LYRM1: variants seen among roughly 807,000 people sequenced by gnomAD.
LYRM1 encodes the protein LYR motif-containing protein 1.
A neutral mutation model predicts 14.9 loss-of-function variants in LYRM1; 14 were observed. The observed-to-expected ratio is 0.94, with a 90% CI of 0.62 to 1.47. LYRM1 has a LOEUF of 1.47. Among genes scored for constraint, LYRM1 ranks in the 40% most tolerant of loss-of-function variants. LYRM1 has a pLI of 0.00. For missense variants in LYRM1, 153 were observed against 149.9 expected, an observed-to-expected ratio of 1.02 and a Z score of -0.11; for synonymous variants, 43 against 56.2, an observed-to-expected ratio of 0.77 and a Z score of 1.05.
intron 1 of LYRM1, among the ~76,000 whole-genome samples, chr16:20,912,847 A>C (rs1596740154): frequency 6.6e-6 from 1 of 151,820 alleles, no homozygotes; most frequent in East Asian, 2.0e-4. Context: ...CAGGTGGATC[A>C]TCTGAGGTCA....
intron 1 of LYRM1, among the ~76,000 whole-genome samples, chr16:20,909,240 T>C (rs1184546614): frequency 1.3e-5 from 2 of 152,172 alleles, no homozygotes; most frequent in Non-Finnish European, 2.9e-5. Context: ...CACATGTATA[T>C]CCCTGTGTTA....
At chr16:20,916,435 G>A (rs1488515451) in intron 2 of LYRM1, among the ~76,000 whole-genome samples, 1 of 152,132 alleles carries the variant, frequency 6.6e-6, no homozygotes, top group Non-Finnish European at 1.5e-5. Flanking sequence ...ATTCAGCGCG[G>A]TCACTGCTCC....
At chr16:20,923,883 A>G in intron 3 of LYRM1, 117 bp from the exon 4 acceptor site, 1 of 587,306 alleles carries the variant, frequency 1.7e-6, no homozygotes, top group Admixed American at 3.4e-5. Flanking sequence ...AGATTAATGA[A>G]TCAATGTAGA....
chr16:20,905,998 T>G (rs2082300627), intron 1 of LYRM1, among the ~76,000 whole-genome samples: 1 of 152,230 alleles, frequency 6.6e-6, no homozygotes. Flanking sequence ...AAATTTATTC[T>G]TCTAATACAT....
At chr16:20,912,376 TCTC>T (rs2082640065) in intron 1 of LYRM1, among the ~76,000 whole-genome samples, 1 of 151,936 alleles carries the variant, frequency 6.6e-6, no homozygotes, top group African/African-American at 2.4e-5. Context: ...TTCACGCCAT[TCTC>T]CTGCCTCAGC....
chr16:20,900,532 C>T (rs2081983708), upstream of LYRM1: 1 of 152,288 alleles, frequency 6.6e-6, no homozygotes, highest in Non-Finnish European at 1.5e-5. Flanking sequence ...GAAGCCGTCG[C>T]CAAGTAAGGG....
At chr16:20,923,179 C>A (rs973008635) in intron 3 of LYRM1, among the ~76,000 whole-genome samples, 4 of 152,012 alleles carry the variant, frequency 2.6e-5, no homozygotes, top group African/African-American at 9.7e-5. Context: ...ATCTGGGCAC[C>A]CATTGCCAAT....
chr16:20,912,737 A>T (rs2082658942), intron 1 of LYRM1, among the ~76,000 whole-genome samples: 2 of 151,968 alleles, frequency 1.3e-5, no homozygotes, highest in African/African-American at 2.4e-5. Flanking sequence ...ATGGGCAAAT[A>T]AAGCAAATTG....
chr16:20,924,884 A>C lies in LYRM1; in HGVS notation c.*768A>C, dbSNP rs2083375958. On this transcript the variant is annotated 3_prime_UTR_variant, in exon 4 of 4. Transcript: ENST00000567954. ...ATAGACTTGAAAATAGAAGGGATTT[A>C]TTCCACCCCTGCAAGGGTAGAGTCA... is the stretch of plus-strand genomic sequence containing the variant. 6.6e-6 allele frequency: 1 copy of C among 152,206 alleles called. No homozygotes were observed. Among genetic ancestry groups the C allele is most frequent in the African/African-American group, 2.4e-5 (1 of 41,454 alleles). 9.4% of individuals were successfully genotyped at this position (152,206 alleles called of 1,614,324 possible).
Position 20,924,201 on chromosome 16 carries a change from G to A in LYRM1, c.*85G>A, listed in dbSNP as rs1350001531. On this transcript the variant is annotated 3_prime_UTR_variant, in exon 4 of 4. Transcript: ENST00000567954. ...ATGGCAAAACACTTCTTGATTAGGG[G>A]CAAAAATTCAAATGTCTTCTTAAAA... 22 of 711,086 alleles carry A rather than the reference G, an allele frequency of 3.1e-5. No homozygotes were observed. The South Asian group carries it at 3.3e-4, about 11-fold the overall frequency. 44.0% of individuals were successfully genotyped at this position (711,086 alleles called of 1,614,324 possible). A position where few individuals can be genotyped will look rare whatever the true frequency, so the allele number is the denominator to read the frequency against.
intron 3 of LYRM1, chr16:20,921,161 C>G (rs1056915316): frequency 6.6e-6 from 1 of 152,076 alleles, no homozygotes; most frequent in Non-Finnish European, 1.5e-5. Flanking sequence ...ACAGTCATGG[C>G]CCACTGCAGC....
At chr16:20,903,729 G>T (rs905090768) in intron 1 of LYRM1, among the ~76,000 whole-genome samples, 3 of 151,876 alleles carry the variant, frequency 2.0e-5, no homozygotes, top group Non-Finnish European at 4.4e-5. Flanking sequence ...GATGGTGGAG[G>T]AAGCTGTCCT....
At position 20,915,564 on chromosome 16, in the gene LYRM1, G is replaced by A. The variant is rs377354416; in HGVS notation, c.9G>A (p.Thr3=). 1.6e-4 allele frequency: 263 copies of A among 1,613,570 alleles called. 1 individual carries two copies. The South Asian group carries it at 1.9e-3, about 11-fold the overall frequency. Residue 3 remains threonine (T), a synonymous_variant, in exon 2 of 4, where the codon ACG becomes ACA. Transcript: ENST00000567954. ...TTTTGGTGGGTCTGAAGATGACAAC[G>A]GCAACACGACAAGAAGTCCTTGGCC... The part of the protein sequence containing the change: MT[T]ATRQEVLGLY...
At chr16:20,923,481 A>G (rs1203261789) in intron 3 of LYRM1, among the ~76,000 whole-genome samples, 1 of 144,904 alleles carries the variant, frequency 6.9e-6, no homozygotes, top group Non-Finnish European at 1.5e-5. Context: ...CCTGGGTGAC[A>G]GAGTGAAACT....
intron 1 of LYRM1, among the ~76,000 whole-genome samples, chr16:20,905,721 C>T (rs2269764): frequency 0.64 from 96,652 of 152,034 alleles, 31,830 homozygotes; most frequent in Non-Finnish European, 0.73. Flanking sequence ...CCCTAACCAG[C>T]CTTAAGAAAA....
chr16:20,908,837 G>A (rs2082447549), intron 1 of LYRM1, among the ~76,000 whole-genome samples: 1 of 152,164 alleles, frequency 6.6e-6, no homozygotes, highest in Admixed American at 6.5e-5. Flanking sequence ...GTAGGCAGAG[G>A]AAGACTCAGC....
At chr16:20,915,518 A>G (rs1166338337) in intron 1 of LYRM1, 38 bp from the exon 2 acceptor site, 1 of 1,569,624 alleles carries the variant, frequency 6.4e-7, no homozygotes, top group African/African-American at 1.4e-5. Context: ...TTGCATTTTT[A>G]TGCAAATTTT....
intron 1 of LYRM1, among the ~76,000 whole-genome samples, chr16:20,907,488 AGT>A (rs1231903206): frequency 2.0e-5 from 3 of 152,062 alleles, no homozygotes; most frequent in Admixed American, 2.0e-4. Flanking sequence ...AGCCTCTGAA[AGT>A]GTTGGGCTTA....
chr16:20,920,941 T>TATAA (rs10638148), intron 3 of LYRM1, among the ~76,000 whole-genome samples: 94,080 of 149,140 alleles, frequency 0.63, 30,573 homozygotes, highest in Non-Finnish European at 0.73. Flanking sequence ...AAAAAAATTA[T>TATAA]ATAAACTTAA....
Sources: allele counts gnomAD v4.1 joint callset (sites outside exome capture counted in the v4.1 genomes callset), GRCh38; gene constraint gnomAD v4.1.1; transcripts MANE v1.5; gene names NCBI Gene and HGNC (gene_info 2026-07-23, HGNC 2026-07-21).